The following THBS2 variants were observed in gnomAD, a reference collection of about 807,000 sequenced individuals.
THBS2 encodes the protein thrombospondin 2, also known as thrombospondin-2.
THBS2 carries 47 observed loss-of-function variants against 135.2 expected under a neutral mutation model. That is an observed-to-expected ratio of 0.35 (90% CI 0.28 to 0.44). The LOEUF (loss-of-function observed/expected upper bound fraction) is 0.44, where lower values mean the gene tolerates loss of function less well. Among genes scored for constraint, THBS2 ranks in the 20% least tolerant of loss-of-function variants. The pLI, the probability that THBS2 is intolerant of heterozygous loss-of-function variation, is 1.00. For synonymous variants in THBS2, 639 were observed against 633.8 expected (o/e 1.01, Z -0.12); for missense variants, 1,288 against 1,603.1 (o/e 0.80, Z 3.36).
Position 169,225,351 on chromosome 6 carries a change from T to C in THBS2, c.2567A>G (p.Asp856Gly). Residue 856 changes from aspartate (D) to glycine (G), a missense_variant, in exon 17 of 22, where the codon GAC becomes GGC. By Grantham distance (94) the Asp-to-Gly change is moderately conservative. Transcript: ENST00000617924. ...QTDVDNDLVG[D>G]QCDNNEDIDD... Reference sequence around the variant, plus strand: ...TATGTCCTCGTTGTTGTCACACTGGTCCCCAACAAGGTCATTGTCCACGTC... The same window carrying C: ...TATGTCCTCGTTGTTGTCACACTGGCCCCCAACAAGGTCATTGTCCACGTC... 6.4e-7 allele frequency: 1 copy of C among 1,559,324 alleles called. No homozygotes were observed. The highest frequency in any genetic ancestry group is 1.2e-5 in the South Asian group (1 of 84,936).
chr6:169,218,076 T>G (rs1583401107), intron 21 of THBS2, among the ~76,000 whole-genome samples: 2 of 75,270 alleles, frequency 2.7e-5, no homozygotes, highest in African/African-American at 5.1e-5. Flanking sequence ...AATGGATGGG[T>G]GGGTGGATGA....
chr6:169,243,585 G>A (rs1028901219), intron 4 of THBS2, among the ~76,000 whole-genome samples: 8 of 152,112 alleles, frequency 5.3e-5, no homozygotes, highest in South Asian at 2.1e-4. Context: ...GCTTCCCCTC[G>A]GATTCATGTT....
In THBS2 at chr6:169,233,755, A is replaced by G. The variant is rs142303141; in HGVS notation, c.1652-738T>C. Among the ~76,000 whole-genome samples, 48 of 144,238 alleles carry G rather than the reference A, an allele frequency of 3.3e-4. 1 individual carries two copies. Among genetic ancestry groups the G allele is most frequent in the African/African-American group, 1.1e-3 (43 of 38,138 alleles). The allele number at this position is 144,238 out of a possible 152,430, so 94.6% of individuals were successfully genotyped here. A position where few individuals can be genotyped will look rare whatever the true frequency, so the allele number is the denominator to read the frequency against. Reference sequence around the variant, plus strand: ...ACGCCACCTTCCACACTACACAACTACCTACACACCATGTTCCAGACCACA... The same window carrying G: ...ACGCCACCTTCCACACTACACAACTGCCTACACACCATGTTCCAGACCACA... On this transcript the variant is annotated intron_variant, in intron 10 of 21. Transcript: ENST00000617924.
chr6:169,235,610 GAC>G (rs1343228098), intron 9 of THBS2, among the ~76,000 whole-genome samples: 2 of 151,952 alleles, frequency 1.3e-5, no homozygotes, highest in Non-Finnish European at 2.9e-5. Context: ...ATTTCAGAGA[GAC>G]ACAGTTCTGT....
At position 169,225,568 on chromosome 6, in the gene THBS2, C is replaced by T. The variant is rs764171191; in HGVS notation, c.2539-189G>A. 4.6e-5 allele frequency among the ~76,000 whole-genome samples: 7 copies of T among 152,342 alleles called. No individual in the cohort carries two copies. The East Asian group carries it at 9.7e-4, about 21-fold the overall frequency. On this transcript the variant is annotated intron_variant, in intron 16 of 21. Transcript: ENST00000617924. Reference sequence around the variant, plus strand: ...GGACAAGCACTGGGGCCAGGCCTCTCGGTCCAGGAATCTCTCCACCCTCTG... The same window carrying T: ...GGACAAGCACTGGGGCCAGGCCTCTTGGTCCAGGAATCTCTCCACCCTCTG...
chr6:169,217,062 T>TTTAC lies in THBS2; in HGVS notation c.*756_*759dup, dbSNP rs1701604160. On this transcript the variant is annotated 3_prime_UTR_variant, in exon 22 of 22. Coordinates refer to ENST00000617924, the MANE Select transcript of THBS2 (RefSeq NM_003247.5). ...GCACCGCACTTTGCTCTGCTAACCT[T>TTTAC]TTACTTAAATGAGGTTTTGCCAAAT... The TTTAC allele has an allele frequency of 6.6e-6, 1 of 152,228 alleles. No individual in the cohort carries two copies. Among genetic ancestry groups the TTTAC allele is most frequent in the African/African-American group, 2.4e-5 (1 of 41,456 alleles). The allele number at this position is 152,228 out of a possible 1,614,324, so 9.4% of individuals were successfully genotyped here. A position where few individuals can be genotyped will look rare whatever the true frequency, so the allele number is the denominator to read the frequency against.
intron 2 of THBS2, among the ~76,000 whole-genome samples, chr6:169,249,337 C>T (rs925957966): frequency 6.6e-6 from 1 of 152,324 alleles, no homozygotes; most frequent in South Asian, 2.1e-4. Context: ...GAATCCCGGC[C>T]TCGCTTGACA....
Position 169,225,387 on chromosome 6 carries a change from A to C in THBS2, c.2539-8T>G. 2 of 1,552,676 alleles carry C rather than the reference A, an allele frequency of 1.3e-6. No homozygotes were observed. Among genetic ancestry groups the C allele is most frequent in the Non-Finnish European group, 1.7e-6 (2 of 1,147,426 alleles). On this transcript the variant is annotated splice_polypyrimidine_tract_variant and splice_region_variant and intron_variant, in intron 16 of 21. Coordinates refer to ENST00000617924, the MANE Select transcript of THBS2 (RefSeq NM_003247.5). ...GTCATTGTCCACGTCGGTCTAGGGG[A>C]TGGGGCGTGAGAGAAACAGCAGAGG...
rs12178180 is a variant in THBS2, at chr6:169,248,672, G to A, written c.354C>T (p.Asn118=). 0.24 allele frequency: 384,893 copies of A among 1,613,820 alleles called. 48,869 individuals carry two copies. Among genetic ancestry groups the A allele is most frequent in the Middle Eastern group, 0.31 (1,862 of 6,062 alleles). ...LSQRQFEIVS[N]GPADTLDLTY... The stretch of plus-strand genomic sequence containing the variant: ...TGAGATCCAGCGTGTCCGCGGGGCC[G>A]TTGGAGACGATCTCGAACTGCCTCT... Residue 118 remains asparagine, a synonymous_variant, in exon 3 of 22, where the codon AAC becomes AAT. Transcript: ENST00000617924.
intron 4 of THBS2, among the ~76,000 whole-genome samples, chr6:169,242,226 G>A (rs188536709): frequency 4.1e-4 from 63 of 152,210 alleles, no homozygotes; most frequent in Non-Finnish European, 8.4e-4. Context: ...TGTCACAGAA[G>A]GAGCAGAGCA....
chr6:169,237,815 C>T lies in THBS2; in HGVS notation c.1130-20G>A, dbSNP rs368827392. 69 of 1,604,316 alleles carry T rather than the reference C, an allele frequency of 4.3e-5. No individual in the cohort carries two copies. In the Middle Eastern group the frequency reaches 9.9e-4, roughly 23 times the overall value. ...CCACCGCTGCCAGAGGAAGCAAACA[C>T]GGTGGCATCAGGCCCTGCCTCACAG... On this transcript the variant is annotated intron_variant, in intron 7 of 21. Transcript: ENST00000617924.
chr6:169,236,520 C>A (rs1296915701), intron 9 of THBS2, among the ~76,000 whole-genome samples: 17 of 141,618 alleles, frequency 1.2e-4, no homozygotes, highest in African/African-American at 4.5e-4. Context: ...TACACTCACT[C>A]CCCATCCACA....
At chr6:169,242,764 ATCTTCCCATCTTC>A (rs1780379859) in intron 4 of THBS2, among the ~76,000 whole-genome samples, 2 of 93,494 alleles carry the variant, frequency 2.1e-5, no homozygotes, top group African/African-American at 3.9e-5. Flanking sequence ...CCACCTTCCC[ATCTTCCCATCTTC>A]CCACCTTCCC....
chr6:169,220,733 T>G (rs1779395165), intron 20 of THBS2, among the ~76,000 whole-genome samples: 1 of 152,162 alleles, frequency 6.6e-6, no homozygotes, highest in Admixed American at 6.5e-5. Context: ...CTGTGGAAGC[T>G]GCGTGGGAGC....
At position 169,237,198 on chromosome 6, in the gene THBS2, G is replaced by T; in HGVS notation, c.1449C>A (p.Thr483=). Residue 483 remains threonine, a synonymous_variant, in exon 9 of 22, where the codon ACC becomes ACA. Transcript: ENST00000617924. ...GGCATGGGGCGCCCTGGCAGGCTTT[G>T]GTCTCCCGGCCACTCCCTTTGCAAT... The part of the protein sequence containing the change: ...GKNCKGSGRE[T]KACQGAPCPI... 6.2e-7 allele frequency: 1 copy of T among 1,610,748 alleles called. No homozygotes were observed. The highest frequency in any genetic ancestry group is 8.5e-7 in the Non-Finnish European group (1 of 1,179,642).
intron 21 of THBS2, among the ~76,000 whole-genome samples, chr6:169,219,565 G>A (rs1017900308): frequency 2.6e-5 from 4 of 152,086 alleles, no homozygotes; most frequent in African/African-American, 4.8e-5. Flanking sequence ...GGCTGGTCTC[G>A]AACTCCTGAC....
chr6:169,218,837 GGA>G, intron 21 of THBS2, among the ~76,000 whole-genome samples: 1 of 150,300 alleles, frequency 6.7e-6, no homozygotes, highest in South Asian at 2.1e-4. Flanking sequence ...TGAGATGGAT[GGA>G]TGGATGGATA....
At chr6:169,239,516 C>G (rs1583416015) in intron 7 of THBS2, 83 bp downstream of exon 7, 2 of 1,388,374 alleles carry the variant, frequency 1.4e-6, no homozygotes, top group South Asian at 2.6e-5. Flanking sequence ...TCTTCTCTGC[C>G]AAAACCAACC....
At chr6:169,231,475 C>T (rs937397618) in intron 13 of THBS2, among the ~76,000 whole-genome samples, 1 of 152,210 alleles carries the variant, frequency 6.6e-6, no homozygotes, top group African/African-American at 2.4e-5. Flanking sequence ...CCGTGGTGTT[C>T]GTTCCAGCGG....
Sources: gnomAD v4.1 joint callset for allele counts (sites outside exome capture counted in the v4.1 genomes callset) on GRCh38, gnomAD v4.1.1 for gene constraint, MANE v1.5 for transcripts, NCBI Gene and HGNC (gene_info 2026-07-23, HGNC 2026-07-21) for gene names.